Variants in RBFOX1 observed in about 807,000 individuals in gnomAD.
The protein encoded by RBFOX1 is RNA binding protein fox-1 homolog 1.
RBFOX1 carries 8 observed loss-of-function variants against 57.7 expected under a neutral mutation model. The observed-to-expected ratio is 0.14, with a 90% CI of 0.08 to 0.25. The LOEUF is 0.25. RBFOX1 is among the 10% of genes least tolerant of loss of function. RBFOX1 has a pLI of 1.00. For synonymous variants in RBFOX1, 326 were observed against 222.4 expected, an observed-to-expected ratio of 1.47 and a Z score of -4.15; for missense variants, 611 against 548.5, an observed-to-expected ratio of 1.11 and a Z score of -1.14.
chr16:7,567,783 A>C (rs116538458), intron 5 of RBFOX1, among the ~76,000 whole-genome samples: 18,838 of 146,306 alleles, frequency 0.13, 1,566 homozygotes, highest in South Asian at 0.22. Flanking sequence ...CTCTATATAT[A>C]TCCATATGTA....
intron 11 of RBFOX1, among the ~76,000 whole-genome samples, chr16:7,645,585 T>C (rs1947576814): frequency 6.6e-6 from 1 of 152,242 alleles, no homozygotes; most frequent in East Asian, 1.9e-4. Context: ...ACATTGCGTT[T>C]CTGTAATGTC....
chr16:7,710,567 C>T (rs2148627553), intron 15 of RBFOX1, 56 bp from the exon 16 acceptor site: 1 of 1,605,586 alleles, frequency 6.2e-7, no homozygotes, highest in South Asian at 1.1e-5. Flanking sequence ...TTTGATGATC[C>T]ACATGTTGCA....
chr16:7,629,495 C>T (rs1027226360), intron 10 of RBFOX1, among the ~76,000 whole-genome samples: 5 of 152,096 alleles, frequency 3.3e-5, no homozygotes, highest in African/African-American at 9.7e-5. Flanking sequence ...CAAACTGGGG[C>T]GGTTGACCTT....
chr16:7,143,680 A>G (rs2074315225), intron 4 of RBFOX1, among the ~76,000 whole-genome samples: 1 of 152,090 alleles, frequency 6.6e-6, no homozygotes, highest in African/African-American at 2.4e-5. Flanking sequence ...TGCAGATACG[A>G]TCCTCAGCAT....
chr16:6,523,651 CATAAGT>C (rs1362019751), intron 2 of RBFOX1, among the ~76,000 whole-genome samples: 3 of 152,088 alleles, frequency 2.0e-5, no homozygotes, highest in Non-Finnish European at 4.4e-5. Flanking sequence ...TCAAATACAT[CATAAGT>C]ATGTTTGTTT....
At chr16:5,667,614 A>G (rs1396796410) in intron 3 of RBFOX1, among the ~76,000 whole-genome samples, 1 of 152,164 alleles carries the variant, frequency 6.6e-6, no homozygotes, top group East Asian at 1.9e-4. Context: ...TTGCTTGTAT[A>G]TTCGGGTTGA....
chr16:5,308,679 AC>A, intron 1 of RBFOX1, among the ~76,000 whole-genome samples: 1 of 151,742 alleles, frequency 6.6e-6, no homozygotes, highest in East Asian at 1.9e-4. Context: ...TAGTAAGATG[AC>A]CTTTTTTTTT....
chr16:6,685,403 G>A (rs773643074), intron 3 of RBFOX1, among the ~76,000 whole-genome samples: 1 of 149,518 alleles, frequency 6.7e-6, no homozygotes, highest in Non-Finnish European at 1.5e-5. Context: ...AGCCACCTGA[G>A]TAGCTGAGAT....
intron 4 of RBFOX1, among the ~76,000 whole-genome samples, chr16:7,449,031 A>G (rs12923140): frequency 1 from 149,932 of 150,626 alleles, 74,631 homozygotes; most frequent in Middle Eastern, 1. Flanking sequence ...CCGGGTTCAA[A>G]CGATTTTTCT....
chr16:6,805,687 T>C (rs2086596784), intron 3 of RBFOX1, among the ~76,000 whole-genome samples: 1 of 149,778 alleles, frequency 6.7e-6, no homozygotes, highest in Non-Finnish European at 1.5e-5. Context: ...CATGTGAAAT[T>C]ATCCTTACCA....
chr16:5,997,034 ATTGTCCAAACTCACCAGGAAGCACCTCCG>A (rs2060502564), intron 4 of RBFOX1, among the ~76,000 whole-genome samples: 1 of 139,182 alleles, frequency 7.2e-6, no homozygotes, highest in African/African-American at 2.8e-5. Flanking sequence ...GGTGCTCTCC[ATTGTCCAAACTCACCAGGAAGCACCTCCG>A]TCTCTGCTGG....
intron 2 of RBFOX1, among the ~76,000 whole-genome samples, chr16:6,561,618 C>T (rs1008799741): frequency 3.3e-5 from 5 of 152,218 alleles, no homozygotes; most frequent in Non-Finnish European, 5.9e-5. Flanking sequence ...AAATTCAATT[C>T]AGTTGCAGAA....
intron 5 of RBFOX1, among the ~76,000 whole-genome samples, chr16:7,575,113 T>G (rs902986810): frequency 1.6e-4 from 24 of 151,972 alleles, no homozygotes; most frequent in African/African-American, 5.8e-4. Flanking sequence ...AAAATCCTCC[T>G]GGATTTAGGA....
chr16:6,994,013 A>G (rs2091906478), intron 3 of RBFOX1, among the ~76,000 whole-genome samples: 1 of 152,186 alleles, frequency 6.6e-6, no homozygotes, highest in Admixed American at 6.5e-5. Flanking sequence ...TGGTTTAATT[A>G]CTGGCTGAAT....
At chr16:5,341,539 C>G (rs1609290) in intron 1 of RBFOX1, among the ~76,000 whole-genome samples, 129,768 of 152,154 alleles carry the variant, frequency 0.85, 58,191 homozygotes, top group East Asian at 1. Context: ...GAGATATTCC[C>G]TGAGTTTTTT....
intron 3 of RBFOX1, among the ~76,000 whole-genome samples, chr16:6,968,015 C>G (rs138994918): frequency 3.1e-4 from 47 of 152,260 alleles, no homozygotes; most frequent in African/African-American, 1.0e-3. Flanking sequence ...TGCCTCTGCT[C>G]TTGTAAGGAA....
At chr16:7,706,118 G>A (rs183071063) in intron 14 of RBFOX1, among the ~76,000 whole-genome samples, 11 of 152,234 alleles carry the variant, frequency 7.2e-5, no homozygotes, top group East Asian at 5.8e-4. Flanking sequence ...TGCTGCAAAC[G>A]TAGCACTCAA....
intron 3 of RBFOX1, among the ~76,000 whole-genome samples, chr16:6,981,171 T>A (rs1331231549): frequency 6.6e-6 from 1 of 151,968 alleles, no homozygotes; most frequent in African/African-American, 2.4e-5. Flanking sequence ...GTTGCACAGA[T>A]AAGCTTGTGT....
chr16:7,599,589 T>A (rs1475057101), intron 9 of RBFOX1, among the ~76,000 whole-genome samples: 1 of 151,148 alleles, frequency 6.6e-6, no homozygotes, highest in African/African-American at 2.4e-5. Flanking sequence ...TTATCCCTAT[T>A]TTAGAGGTGC....
Sources: gnomAD v4.1 joint callset for allele counts (sites outside exome capture counted in the v4.1 genomes callset) on GRCh38, gnomAD v4.1.1 for gene constraint, MANE v1.5 for transcripts, NCBI Gene and HGNC (gene_info 2026-07-23, HGNC 2026-07-21) for gene names.